The following PATJ variants were observed in gnomAD, a reference collection of about 807,000 sequenced individuals.
The protein encoded by PATJ is inaD-like protein.
In PATJ, 190 loss-of-function variants were observed where a neutral mutation model predicts 224.9. That is an observed-to-expected ratio of 0.84 (90% CI 0.75 to 0.95). The LOEUF (loss-of-function observed/expected upper bound fraction) is 0.95. Ranked by LOEUF, PATJ falls within the 40% of genes least tolerant of loss-of-function variation. The probability of loss-of-function intolerance (pLI) is 0.00; values close to 1 mark genes in which losing one functional copy is unlikely to be tolerated. For missense variants in PATJ, 2,121 were observed against 2,270.3 expected (o/e 0.93, Z 1.34); for synonymous variants, 769 against 820.3 (o/e 0.94, Z 1.07).
chr1:62,070,667 A>G (rs1437737961), intron 31 of PATJ, among the ~76,000 whole-genome samples: 1 of 152,208 alleles, frequency 6.6e-6, no homozygotes, highest in Non-Finnish European at 1.5e-5. Context: ...TTTATATCAT[A>G]TCATCTGTTT....
In PATJ at chr1:61,806,415, C is replaced by G. The variant is rs867506853; in HGVS notation, c.1626+891C>G. Among the ~76,000 whole-genome samples, 12 of 151,648 alleles carry G rather than the reference C, an allele frequency of 7.9e-5. No individual in the cohort carries two copies. The South Asian group carries it at 8.3e-4, about 11-fold the overall frequency. ...CGGGCGGATCACGAGGTCAGGAGAT[C>G]GAGACCATCCTGGCTAACATGGTGA... On this transcript the variant is annotated intron_variant, in intron 13 of 43. Transcript: ENST00000642238.
At chr1:61,939,317 TCACA>T (rs60430174) in intron 27 of PATJ, among the ~76,000 whole-genome samples, 157 of 142,542 alleles carry the variant, frequency 1.1e-3, no homozygotes, top group Middle Eastern at 3.5e-3. Context: ...AACTTTGCAT[TCACA>T]CACACACACA....
intron 15 of PATJ, among the ~76,000 whole-genome samples, chr1:61,824,919 A>G (rs962957706): frequency 6.6e-6 from 1 of 152,182 alleles, no homozygotes; most frequent in Non-Finnish European, 1.5e-5. Context: ...AGAATGTGCT[A>G]TAATAAGGTA....
chr1:61,887,055 G>GTA (rs1668987470), intron 22 of PATJ, among the ~76,000 whole-genome samples: 1 of 151,250 alleles, frequency 6.6e-6, no homozygotes, highest in South Asian at 2.1e-4. Flanking sequence ...ATATATATGT[G>GTA]TATATATATA....
intron 1 of PATJ, among the ~76,000 whole-genome samples, chr1:61,749,386 G>A (rs751331305): frequency 3.3e-5 from 5 of 151,946 alleles, no homozygotes; most frequent in Non-Finnish European, 7.4e-5. Context: ...CCTACAGAGC[G>A]GGTCCTAGGG....
rs542576577 is a variant in PATJ at position 62,109,124 on chromosome 1, G to T, written c.4461+604G>T. Among the ~76,000 whole-genome samples the T allele has an allele frequency of 3.3e-5, 5 of 151,770 alleles. No individual in the cohort carries two copies. In the South Asian group the frequency reaches 8.4e-4, roughly 25 times the overall value. On this transcript the variant is annotated intron_variant, in intron 34 of 43. Transcript: ENST00000642238. ...CCAAAGCAGGCAATGTCTGCACTAT[G>T]GAATGGCTGAAGGAGAAGGCGATGC...
chr1:61,907,819 A>G (rs1169137203), intron 24 of PATJ, among the ~76,000 whole-genome samples: 1 of 152,248 alleles, frequency 6.6e-6, no homozygotes, highest in Non-Finnish European at 1.5e-5. Context: ...AATTTTCTAT[A>G]ATAAGGAACT....
Position 61,927,806 on chromosome 1 carries a change from A to T in PATJ, c.3647A>T (p.Glu1216Val), listed in dbSNP as rs1675439052. 2 of 1,612,860 alleles carry T rather than the reference A, an allele frequency of 1.2e-6. No homozygotes were observed. The highest frequency in any genetic ancestry group is 1.7e-6 in the Non-Finnish European group (2 of 1,179,364). Residue 1216 changes from glutamate to valine, a missense_variant, in exon 27 of 44, where the codon GAA becomes GTA. Glu to Val is a moderately radical substitution (Grantham distance 121). Transcript: ENST00000642238. Reference protein sequence around the residue: ...KALTDDSDENEEEDAFTDQKI... With the variant: ...KALTDDSDENVEEDAFTDQKI... The stretch of plus-strand genomic sequence containing the variant: ...CTGACTGATGACAGTGATGAAAATG[A>T]AGAAGAAGATGCCTTTACCGACCGT...
At chr1:61,987,064 A>G (rs1644801885) in intron 27 of PATJ, among the ~76,000 whole-genome samples, 1 of 151,852 alleles carries the variant, frequency 6.6e-6, no homozygotes, top group South Asian at 2.1e-4. Context: ...ATTTTTATTC[A>G]ATTGTGAATA....
chr1:61,996,301 T>G (rs973864532), intron 28 of PATJ, among the ~76,000 whole-genome samples: 1 of 152,192 alleles, frequency 6.6e-6, no homozygotes, highest in Non-Finnish European at 1.5e-5. Flanking sequence ...CAGGTATACA[T>G]GCAGCTGCTT....
intron 22 of PATJ, among the ~76,000 whole-genome samples, chr1:61,892,483 G>A (rs1669736861): frequency 6.6e-6 from 1 of 151,970 alleles, no homozygotes; most frequent in African/African-American, 2.4e-5. Flanking sequence ...GTTTGCTCAT[G>A]GGGTACTCTA....
chr1:61,748,991 C>CA (rs1645177117), intron 1 of PATJ, among the ~76,000 whole-genome samples: 1 of 150,026 alleles, frequency 6.7e-6, no homozygotes. Context: ...TTTTTTTTTT[C>CA]TTTTTTTTCT....
chr1:61,766,926 C>T (rs1054155241), intron 4 of PATJ, among the ~76,000 whole-genome samples: 2 of 152,104 alleles, frequency 1.3e-5, no homozygotes, highest in African/African-American at 4.8e-5. Context: ...AACCCTGTCT[C>T]TACTAAAAAT....
chr1:61,954,910 C>T (rs1456463045), intron 27 of PATJ, among the ~76,000 whole-genome samples: 1 of 151,940 alleles, frequency 6.6e-6, no homozygotes, highest in Non-Finnish European at 1.5e-5. Flanking sequence ...CCTGCCACCA[C>T]GCCCGGCTCA....
At chr1:61,777,265 A>G (rs902289390) in intron 7 of PATJ, among the ~76,000 whole-genome samples, 14 of 152,212 alleles carry the variant, frequency 9.2e-5, no homozygotes, top group African/African-American at 3.4e-4. Context: ...TTTCCCTAAT[A>G]CTTAAAAGCT....
At chr1:62,129,999 T>TA (rs1480830462) in intron 41 of PATJ, among the ~76,000 whole-genome samples, 10 of 152,014 alleles carry the variant, frequency 6.6e-5, no homozygotes, top group Admixed American at 2.0e-4. Flanking sequence ...CTTACTACCT[T>TA]AGAGAGAGGG....
At chr1:61,936,397 A>G (rs1223184712) in intron 27 of PATJ, among the ~76,000 whole-genome samples, 1 of 141,670 alleles carries the variant, frequency 7.1e-6, no homozygotes, top group Non-Finnish European at 1.5e-5. Context: ...GAACCTAGCA[A>G]TGCATTAAGC....
intron 42 of PATJ, 48 bp downstream of exon 42, chr1:62,148,438 C>T (rs369800747): frequency 1.8e-5 from 25 of 1,387,966 alleles, no homozygotes; most frequent in Non-Finnish European, 2.4e-5. Context: ...GGGCAAAGCT[C>T]GGAAGAACTT....
At chr1:61,747,290 C>G (rs974270031) in intron 1 of PATJ, among the ~76,000 whole-genome samples, 2 of 151,898 alleles carry the variant, frequency 1.3e-5, no homozygotes, top group Non-Finnish European at 2.9e-5. Context: ...CTGTCAATAC[C>G]CTTCCTTTTA....
Sources: allele counts gnomAD v4.1 joint callset (sites outside exome capture counted in the v4.1 genomes callset), GRCh38; gene constraint gnomAD v4.1.1; transcripts MANE v1.5; gene names NCBI Gene and HGNC (gene_info 2026-07-23, HGNC 2026-07-21).